The following GABRB1 variants were observed in gnomAD, a reference collection of about 807,000 sequenced individuals.
GABRB1 encodes gamma-aminobutyric acid type A receptor subunit beta1, also known as gamma-aminobutyric acid receptor subunit beta-1.
GABRB1 carries 17 observed loss-of-function variants against 51.6 expected under a neutral mutation model. That is an observed-to-expected ratio of 0.33 (90% confidence interval 0.23 to 0.49). The LOEUF (loss-of-function observed/expected upper bound fraction) is 0.49, where lower values mean the gene tolerates loss of function less well. Among genes scored for constraint, GABRB1 ranks in the 20% least tolerant of loss-of-function variants. GABRB1 has a pLI of 0.99. For synonymous variants in GABRB1, 247 were observed against 218.9 expected, an observed-to-expected ratio of 1.13 and a Z score of -1.14; for missense variants, 410 against 600.6, an observed-to-expected ratio of 0.68 and a Z score of 3.32.
intron 3 of GABRB1, among the ~76,000 whole-genome samples, chr4:47,075,937 T>C (rs1175159834): frequency 1.3e-5 from 2 of 152,120 alleles, no homozygotes; most frequent in African/African-American, 4.8e-5. Flanking sequence ...AGGTATCAAG[T>C]ATAGCTGTAG....
Position 47,032,478 on chromosome 4 carries a change from G to GA in GABRB1, c.236dup (p.Asn79LysfsTer33). ...CCAGCATAGACATGGTCTCCGAAGT[G>GA]AATATGGTGAGTGGCCTCCCGAGGG... is the stretch of plus-strand genomic sequence containing the variant. On this transcript the variant is annotated frameshift_variant, in exon 3 of 9. Transcript: ENST00000295454. LOFTEE classifies it high-confidence loss of function. 1 of 1,613,726 alleles carries GA rather than the reference G, an allele frequency of 6.2e-7. No homozygotes were observed. Among genetic ancestry groups the GA allele is most frequent in the Non-Finnish European group, 8.5e-7 (1 of 1,179,840 alleles).
intron 3 of GABRB1, among the ~76,000 whole-genome samples, chr4:47,103,348 A>G (rs1010118107): frequency 3.9e-5 from 6 of 152,048 alleles, no homozygotes; most frequent in African/African-American, 1.4e-4. Flanking sequence ...CTGTGGCTGA[A>G]AATCTTTTCC....
chr4:47,362,984 A>G (rs116213767), intron 5 of GABRB1, among the ~76,000 whole-genome samples: 4 of 152,010 alleles, frequency 2.6e-5, no homozygotes, highest in African/African-American at 9.6e-5. Flanking sequence ...AGGTACCTGA[A>G]GCACCAGACT....
chr4:47,216,191 G>A (rs917251770), intron 4 of GABRB1, among the ~76,000 whole-genome samples: 3 of 151,908 alleles, frequency 2.0e-5, no homozygotes, highest in Non-Finnish European at 4.4e-5. Flanking sequence ...TTTAGAGTAA[G>A]TGATTCATTT....
intron 3 of GABRB1, among the ~76,000 whole-genome samples, chr4:47,117,573 A>C (rs1218240348): frequency 6.6e-6 from 1 of 152,200 alleles, no homozygotes; most frequent in African/African-American, 2.4e-5. Flanking sequence ...ATAGTTTTGC[A>C]ATATATTTGG....
At chr4:47,260,941 A>G (rs1451803565) in intron 4 of GABRB1, among the ~76,000 whole-genome samples, 1 of 152,350 alleles carries the variant, frequency 6.6e-6, no homozygotes, top group East Asian at 1.9e-4. Flanking sequence ...AGAACCAAAG[A>G]CAAAAACCAC....
rs540657374 is a variant in GABRB1 at position 47,201,810 on chromosome 4, G to T, written c.461+40341G>T. 2.8e-3 allele frequency among the ~76,000 whole-genome samples: 422 copies of T among 152,226 alleles called. 3 individuals carry two copies. Among genetic ancestry groups the T allele is most frequent in the African/African-American group, 9.1e-3 (379 of 41,558 alleles). ...AAATGTCAACCAAAATAGCACAAGT[G>T]CTTATTTTTACTAGCATGTAATAAG... is the stretch of plus-strand genomic sequence containing the variant. On this transcript the variant is annotated intron_variant, in intron 4 of 8. Coordinates refer to ENST00000295454, the MANE Select transcript of GABRB1 (RefSeq NM_000812.4).
chr4:47,275,859 C>G (rs945588044), intron 4 of GABRB1, among the ~76,000 whole-genome samples: 1 of 152,150 alleles, frequency 6.6e-6, no homozygotes, highest in African/African-American at 2.4e-5. Flanking sequence ...TTTAAACCAA[C>G]AGAACCAGTA....
At chr4:47,187,030 G>A (rs1487033173) in intron 4 of GABRB1, among the ~76,000 whole-genome samples, 3 of 151,812 alleles carry the variant, frequency 2.0e-5, no homozygotes, top group Non-Finnish European at 2.9e-5. Flanking sequence ...GCTAAATGTT[G>A]CACGCCTAGT....
chr4:47,064,383 C>T (rs1341379117), intron 3 of GABRB1, among the ~76,000 whole-genome samples: 1 of 151,548 alleles, frequency 6.6e-6, no homozygotes, highest in African/African-American at 2.4e-5. Context: ...GCCTGTAATC[C>T]CAGTACTTTG....
chr4:47,109,583 A>C (rs1288210569), intron 3 of GABRB1, among the ~76,000 whole-genome samples: 1 of 152,164 alleles, frequency 6.6e-6, no homozygotes, highest in South Asian at 2.1e-4. Flanking sequence ...GGTGGCGGCC[A>C]TGTGTAAGGC....
At chr4:47,364,051 G>A (rs761688486) in intron 5 of GABRB1, among the ~76,000 whole-genome samples, 23 of 152,268 alleles carry the variant, frequency 1.5e-4, no homozygotes, top group Admixed American at 5.2e-4. Flanking sequence ...TTATCTGATC[G>A]CTGGAGATAG....
intron 3 of GABRB1, among the ~76,000 whole-genome samples, chr4:47,050,724 C>A (rs1726312692): frequency 6.6e-6 from 1 of 152,274 alleles, no homozygotes; most frequent in East Asian, 1.9e-4. Flanking sequence ...ATGTTCAACT[C>A]CATCTCCTGA....
intron 4 of GABRB1, among the ~76,000 whole-genome samples, chr4:47,193,108 T>A (rs377470850): frequency 5.3e-5 from 8 of 151,726 alleles, no homozygotes; most frequent in African/African-American, 1.9e-4. Context: ...CCCCACAGTT[T>A]TATGAGATAT....
At chr4:47,201,537 A>C (rs1308610322) in intron 4 of GABRB1, among the ~76,000 whole-genome samples, 6 of 152,102 alleles carry the variant, frequency 3.9e-5, no homozygotes, top group Non-Finnish European at 7.4e-5. Context: ...GAACATACCC[A>C]TGCTTGTGGT....
intron 3 of GABRB1, among the ~76,000 whole-genome samples, chr4:47,101,136 G>T (rs1714703286): frequency 6.6e-6 from 1 of 151,910 alleles, no homozygotes; most frequent in Non-Finnish European, 1.5e-5. Flanking sequence ...CTTAGGACAG[G>T]GTCTGTCTGC....
chr4:47,207,800 C>CTCCAAA (rs1720195550), intron 4 of GABRB1, among the ~76,000 whole-genome samples: 1 of 151,806 alleles, frequency 6.6e-6, no homozygotes, highest in Non-Finnish European at 1.5e-5. Context: ...TGGCTTGGAA[C>CTCCAAA]TAATTTCAGT....
At chr4:47,307,918 A>T (rs930663266) in intron 4 of GABRB1, among the ~76,000 whole-genome samples, 2 of 152,048 alleles carry the variant, frequency 1.3e-5, no homozygotes, top group African/African-American at 4.8e-5. Flanking sequence ...AAAATATTAC[A>T]ATATCCAACT....
Position 47,161,449 on chromosome 4 carries a change from A to G in GABRB1, c.441A>G (p.Gly147=), listed in dbSNP as rs751816616. The G allele has an allele frequency of 1.2e-6, 2 of 1,612,084 alleles. No individual in the cohort carries two copies. Among genetic ancestry groups the G allele is most frequent in the Admixed American group, 3.3e-5 (2 of 59,828 alleles). ...KNRMIRLHPD[G]TVLYGLRITT... ...GAATGATTCGACTGCATCCTGATGG[A>G]ACAGTTCTCTATGGACTCCGGTAAA... The change falls in exon 4 of 9, where the codon GGA becomes GGG. Residue 147 remains glycine (G), a synonymous_variant. Transcript: ENST00000295454.
Sources: allele counts gnomAD v4.1 joint callset (sites outside exome capture counted in the v4.1 genomes callset), GRCh38; gene constraint gnomAD v4.1.1; transcripts MANE v1.5; gene names NCBI Gene and HGNC (gene_info 2026-07-23, HGNC 2026-07-21).